The following TAFA1 variants were observed in gnomAD, a reference collection of about 807,000 sequenced individuals.
The protein encoded by TAFA1 is TAFA chemokine like family member 1, also known as chemokine-like protein TAFA-1.
TAFA1 carries 4 observed loss-of-function variants against 18.5 expected under a neutral mutation model. The ratio of observed to expected loss-of-function variants is 0.22; its 90% CI spans 0.11 to 0.49. The LOEUF (loss-of-function observed/expected upper bound fraction) is 0.49, where lower values mean the gene tolerates loss of function less well. Among genes scored for constraint, TAFA1 ranks in the 20% least tolerant of loss-of-function variants. The pLI is 0.98. For synonymous variants in TAFA1, 56 were observed against 55.2 expected (o/e 1.01, Z -0.06); for missense variants, 147 against 169.0 (o/e 0.87, Z 0.72).
rs1553701728 is a variant in TAFA1 at position 68,539,681 on chromosome 3, G to GGT, written c.384+802_384+803insTG. On this transcript the variant is annotated intron_variant, in intron 4 of 4. Coordinates refer to ENST00000478136, the MANE Select transcript of TAFA1 (RefSeq NM_213609.4). ...TGTCTCTCTCTGTGTGTGTGTGTGG[G>GGT]GGGGCATGGGGTGGGTGGGTGGGTG... 4.2e-4 allele frequency among the ~76,000 whole-genome samples: 9 copies of GGT among 21,684 alleles called. 2 individuals carry two copies. The East Asian group carries it at 0.013, about 31-fold the overall frequency. 14.2% of individuals were successfully genotyped at this position (21,684 alleles called of 152,430 possible).
intron 3 of TAFA1, among the ~76,000 whole-genome samples, chr3:68,448,194 G>A (rs898052588): frequency 6.6e-6 from 1 of 152,112 alleles, no homozygotes; most frequent in African/African-American, 2.4e-5. Flanking sequence ...GTGCCTTGGA[G>A]CCCTTAACAG....
chr3:68,422,809 C>G (rs751508023), intron 3 of TAFA1, among the ~76,000 whole-genome samples: 3 of 152,052 alleles, frequency 2.0e-5, no homozygotes, highest in African/African-American at 4.8e-5. Context: ...TAGCACTATT[C>G]TGAAGGAATG....
chr3:68,161,401 T>C (rs2065923772), intron 2 of TAFA1, among the ~76,000 whole-genome samples: 1 of 152,182 alleles, frequency 6.6e-6, no homozygotes, highest in African/African-American at 2.4e-5. Flanking sequence ...TATCAGTGTC[T>C]CTTGAAAATG....
At chr3:68,153,246 A>G (rs760633400) in intron 2 of TAFA1, among the ~76,000 whole-genome samples, 2 of 152,208 alleles carry the variant, frequency 1.3e-5, no homozygotes, top group Non-Finnish European at 2.9e-5. Flanking sequence ...TATAGATCCA[A>G]TAGCAAACTA....
At chr3:68,434,644 T>C (rs1575863407) in intron 3 of TAFA1, among the ~76,000 whole-genome samples, 1 of 152,136 alleles carries the variant, frequency 6.6e-6, no homozygotes, top group Non-Finnish European at 1.5e-5. Context: ...AATTTACACA[T>C]AACTTGTGAC....
At chr3:68,380,285 T>C (rs1480700810) in intron 2 of TAFA1, among the ~76,000 whole-genome samples, 1 of 152,210 alleles carries the variant, frequency 6.6e-6, no homozygotes. Flanking sequence ...ATATACGCAG[T>C]AATGGGATGG....
At chr3:68,306,586 A>C (rs1253338352) in intron 2 of TAFA1, among the ~76,000 whole-genome samples, 1 of 152,172 alleles carries the variant, frequency 6.6e-6, no homozygotes, top group Non-Finnish European at 1.5e-5. Flanking sequence ...TCTTATACAA[A>C]TTTGTTGAGT....
intron 2 of TAFA1, among the ~76,000 whole-genome samples, chr3:68,044,950 G>C (rs1049125455): frequency 1.3e-5 from 2 of 152,170 alleles, no homozygotes; most frequent in African/African-American, 4.8e-5. Flanking sequence ...TTGCTGTGTG[G>C]AAAGATACCC....
chr3:68,465,300 G>C (rs1464266659), intron 3 of TAFA1, among the ~76,000 whole-genome samples: 1 of 152,144 alleles, frequency 6.6e-6, no homozygotes, highest in Non-Finnish European at 1.5e-5. Flanking sequence ...AACTCAACAT[G>C]CTAAAGATCA....
intron 3 of TAFA1, among the ~76,000 whole-genome samples, chr3:68,473,904 A>G (rs572420078): frequency 1.7e-4 from 26 of 152,274 alleles, no homozygotes; most frequent in Non-Finnish European, 3.2e-4. Flanking sequence ...CTATATCCCC[A>G]GGGCCTAATA....
chr3:68,158,369 G>T (rs1317467895), intron 2 of TAFA1, among the ~76,000 whole-genome samples: 1 of 152,050 alleles, frequency 6.6e-6, no homozygotes, highest in African/African-American at 2.4e-5. Flanking sequence ...TAGTGAAAGG[G>T]CATTGCAGGT....
intron 2 of TAFA1, among the ~76,000 whole-genome samples, chr3:68,304,433 A>T (rs552079067): frequency 6.6e-6 from 1 of 152,304 alleles, no homozygotes; most frequent in Admixed American, 6.5e-5. Flanking sequence ...TCAGTATGGA[A>T]GATTTTTCTA....
intron 2 of TAFA1, among the ~76,000 whole-genome samples, chr3:68,138,034 A>G (rs1249719594): frequency 6.6e-6 from 1 of 152,068 alleles, no homozygotes; most frequent in African/African-American, 2.4e-5. Context: ...CCCGAAAATT[A>G]GGGCAAAGAA....
At chr3:68,189,801 G>C (rs577675979) in intron 2 of TAFA1, among the ~76,000 whole-genome samples, 1 of 151,874 alleles carries the variant, frequency 6.6e-6, no homozygotes, top group East Asian at 1.9e-4. Context: ...GCAGGAGAAG[G>C]GTCTGGCATT....
intron 2 of TAFA1, among the ~76,000 whole-genome samples, chr3:68,349,879 C>G (rs1318202965): frequency 6.6e-6 from 1 of 152,080 alleles, no homozygotes; most frequent in East Asian, 1.9e-4. Flanking sequence ...TCCGTATTCA[C>G]CATAATAGCC....
intron 2 of TAFA1, among the ~76,000 whole-genome samples, chr3:68,219,334 A>G (rs1162041005): frequency 6.6e-6 from 1 of 152,176 alleles, no homozygotes. Context: ...TTTTGTATAT[A>G]GTTTACTAAT....
intron 3 of TAFA1, among the ~76,000 whole-genome samples, chr3:68,531,940 A>G (rs1264332770): frequency 3.9e-5 from 6 of 152,192 alleles, no homozygotes; most frequent in Admixed American, 3.3e-4. Flanking sequence ...AGCACTCAAT[A>G]AATGTTAATT....
intron 2 of TAFA1, among the ~76,000 whole-genome samples, chr3:68,216,885 A>T (rs927121269): frequency 9.2e-5 from 14 of 152,272 alleles, no homozygotes; most frequent in African/African-American, 3.1e-4. Flanking sequence ...AGTACAAAAT[A>T]AATATCCATT....
At chr3:68,201,384 A>T (rs183624588) in intron 2 of TAFA1, among the ~76,000 whole-genome samples, 1 of 151,720 alleles carries the variant, frequency 6.6e-6, no homozygotes, top group Non-Finnish European at 1.5e-5. Flanking sequence ...TATAGATGTG[A>T]ATTTTTTCTG....
Sources: gnomAD v4.1 joint callset for allele counts (sites outside exome capture counted in the v4.1 genomes callset) on GRCh38, gnomAD v4.1.1 for gene constraint, MANE v1.5 for transcripts, NCBI Gene and HGNC (gene_info 2026-07-23, HGNC 2026-07-21) for gene names.